The following RBFOX1 variants were observed in gnomAD, a reference collection of about 807,000 sequenced individuals.
RBFOX1 encodes the protein RNA binding fox-1 homolog 1, also known as RNA binding protein fox-1 homolog 1.
RBFOX1 carries 8 observed loss-of-function variants against 57.7 expected under a neutral mutation model. The observed-to-expected ratio is 0.14, with a 90% CI of 0.08 to 0.25. RBFOX1 has a LOEUF of 0.25. Among genes scored for constraint, RBFOX1 ranks in the 10% least tolerant of loss-of-function variants. The pLI is 1.00. For missense variants in RBFOX1, 611 were observed against 548.5 expected (o/e 1.11, Z -1.14); for synonymous variants, 326 against 222.4 (o/e 1.47, Z -4.15).
intron 3 of RBFOX1, among the ~76,000 whole-genome samples, chr16:5,630,235 T>C (rs1291515766): frequency 6.6e-6 from 1 of 152,074 alleles, no homozygotes; most frequent in Non-Finnish European, 1.5e-5. Context: ...AGTGAGTGGA[T>C]CACCTGAGGT....
intron 4 of RBFOX1, among the ~76,000 whole-genome samples, chr16:7,482,212 C>T (rs1370621967): frequency 6.6e-6 from 1 of 152,202 alleles, no homozygotes; most frequent in Admixed American, 6.5e-5. Context: ...GAACGCTGGG[C>T]ACAGTGCCTG....
intron 3 of RBFOX1, among the ~76,000 whole-genome samples, chr16:6,907,071 A>G (rs2070197720): frequency 6.6e-6 from 1 of 152,150 alleles, no homozygotes; most frequent in South Asian, 2.1e-4. Context: ...TCTCCATGTC[A>G]TCTCCGTATT....
At chr16:6,797,256 C>A (rs145067320) in intron 3 of RBFOX1, among the ~76,000 whole-genome samples, 1 of 152,110 alleles carries the variant, frequency 6.6e-6, no homozygotes, top group African/African-American at 2.4e-5. Context: ...GTTATTCCCC[C>A]ATAACGCTGT....
At chr16:6,965,793 C>T (rs988374416) in intron 3 of RBFOX1, among the ~76,000 whole-genome samples, 3 of 152,132 alleles carry the variant, frequency 2.0e-5, no homozygotes, top group Non-Finnish European at 2.9e-5. Context: ...CACTTAGGTC[C>T]TGTTCATTAG....
At chr16:6,346,636 G>C (rs2085421943) in intron 2 of RBFOX1, among the ~76,000 whole-genome samples, 1 of 152,194 alleles carries the variant, frequency 6.6e-6, no homozygotes, top group South Asian at 2.1e-4. Flanking sequence ...TTCTCGAATT[G>C]TTCCTTGCTC....
chr16:6,621,555 T>A (rs1258265233), intron 2 of RBFOX1, among the ~76,000 whole-genome samples: 1 of 152,184 alleles, frequency 6.6e-6, no homozygotes, highest in East Asian at 1.9e-4. Context: ...CTTAATTACA[T>A]CGGCAAAGCC....
intron 3 of RBFOX1, among the ~76,000 whole-genome samples, chr16:5,847,126 G>T (rs2056776773): frequency 6.6e-6 from 1 of 152,196 alleles, no homozygotes; most frequent in Non-Finnish European, 1.5e-5. Context: ...TTCTCTGGAA[G>T]TCATTTGAAG....
chr16:6,717,237 T>TA (rs374232884), intron 3 of RBFOX1, among the ~76,000 whole-genome samples: 3,403 of 148,718 alleles, frequency 0.023, 62 homozygotes, highest in South Asian at 0.058. Context: ...AGCAAACTGT[T>TA]AAAAAAAAAA....
intron 4 of RBFOX1, among the ~76,000 whole-genome samples, chr16:7,099,805 A>C (rs551396169): frequency 6.6e-5 from 10 of 152,144 alleles, no homozygotes; most frequent in Non-Finnish European, 1.2e-4. Flanking sequence ...ACCGGGAGAA[A>C]AGAATGTGTG....
intron 3 of RBFOX1, among the ~76,000 whole-genome samples, chr16:7,004,778 T>G (rs2093152357): frequency 6.6e-6 from 1 of 152,126 alleles, no homozygotes; most frequent in Non-Finnish European, 1.5e-5. Flanking sequence ...TGTACCAGAT[T>G]AAGATAACCT....
chr16:5,772,130 C>G (rs2053999780), intron 3 of RBFOX1, among the ~76,000 whole-genome samples: 1 of 152,122 alleles, frequency 6.6e-6, no homozygotes, highest in Non-Finnish European at 1.5e-5. Context: ...CGAGATCACA[C>G]CAGCACACTC....
intron 4 of RBFOX1, among the ~76,000 whole-genome samples, chr16:7,214,407 C>T (rs986415407): frequency 6.6e-6 from 1 of 151,978 alleles, no homozygotes; most frequent in African/African-American, 2.4e-5. Context: ...TCCTTAATTC[C>T]TCTCTCATGG....
In RBFOX1 at chr16:6,114,547, C is replaced by G. The variant is rs368720006; in HGVS notation, c.-127+94555C>G. On this transcript the variant is annotated intron_variant, in intron 1 of 15. Coordinates refer to ENST00000550418, the MANE Select transcript of RBFOX1 (RefSeq NM_018723.4). Reference sequence around the variant, plus strand: ...TCTAATGGAACTTGTCAATTAGAATCAATGGCATAAAAGTTTTCTTGGAGG... The same window carrying G: ...TCTAATGGAACTTGTCAATTAGAATGAATGGCATAAAAGTTTTCTTGGAGG... 1.8e-4 allele frequency among the ~76,000 whole-genome samples: 26 copies of G among 142,430 alleles called. No individual in the cohort carries two copies. In the South Asian group the frequency reaches 5.8e-3, roughly 32 times the overall value. The allele number at this position is 142,430 out of a possible 152,430, so 93.4% of individuals were successfully genotyped here.
At chr16:6,127,749 G>A (rs1402094367) in intron 1 of RBFOX1, among the ~76,000 whole-genome samples, 2 of 152,134 alleles carry the variant, frequency 1.3e-5, no homozygotes, top group Admixed American at 6.5e-5. Context: ...CGGGAAAAAT[G>A]GGATGTTAAT....
chr16:6,923,170 C>T (rs956324758), intron 3 of RBFOX1, among the ~76,000 whole-genome samples: 1 of 152,084 alleles, frequency 6.6e-6, no homozygotes, highest in African/African-American at 2.4e-5. Context: ...GAATAAATAC[C>T]CTGGTCCCTG....
At chr16:6,584,879 T>C (rs950944549) in intron 2 of RBFOX1, among the ~76,000 whole-genome samples, 1 of 152,190 alleles carries the variant, frequency 6.6e-6, no homozygotes, top group African/African-American at 2.4e-5. Context: ...AAATGAGATG[T>C]CTGGTCATGT....
chr16:6,993,014 G>C (rs560050101), intron 3 of RBFOX1, among the ~76,000 whole-genome samples: 1 of 152,126 alleles, frequency 6.6e-6, no homozygotes, highest in Non-Finnish European at 1.5e-5. Context: ...AATAGTTCTT[G>C]TCTGAATTTC....
chr16:7,301,368 C>G (rs1281450875), intron 4 of RBFOX1, among the ~76,000 whole-genome samples: 1 of 152,214 alleles, frequency 6.6e-6, no homozygotes, highest in African/African-American at 2.4e-5. Flanking sequence ...CAGAGCCCGA[C>G]TCCAAATAAT....
At chr16:7,613,096 A>G (rs1477917256) in intron 10 of RBFOX1, among the ~76,000 whole-genome samples, 1 of 152,224 alleles carries the variant, frequency 6.6e-6, no homozygotes, top group Non-Finnish European at 1.5e-5. Context: ...GATGAGATAC[A>G]TACAATTAAA....
Sources: allele counts gnomAD v4.1 joint callset (sites outside exome capture counted in the v4.1 genomes callset), GRCh38; gene constraint gnomAD v4.1.1; transcripts MANE v1.5; gene names NCBI Gene and HGNC (gene_info 2026-07-23, HGNC 2026-07-21).